Variants in KLHL2 observed in about 807,000 individuals in gnomAD.
The protein encoded by KLHL2 is kelch like family member 2.
KLHL2 carries 15 observed loss-of-function variants against 75.8 expected under a neutral mutation model. The observed-to-expected ratio is 0.20, with a 90% CI of 0.13 to 0.30. The LOEUF (loss-of-function observed/expected upper bound fraction) is 0.30. Ranked by LOEUF, KLHL2 falls within the 10% of genes least tolerant of loss-of-function variation. KLHL2 has a pLI of 1.00. For missense variants in KLHL2, 381 were observed against 741.0 expected (o/e 0.51, Z 5.64); for synonymous variants, 214 against 251.9 (o/e 0.85, Z 1.42).
At chr4:165,260,982 G>A (rs1188802455) in intron 4 of KLHL2, among the ~76,000 whole-genome samples, 1 of 152,104 alleles carries the variant, frequency 6.6e-6, no homozygotes, top group African/African-American at 2.4e-5. Flanking sequence ...TTTCCTCATC[G>A]TTCTGTGTGA....
At chr4:165,217,637 CAG>C (rs1206132599) in intron 1 of KLHL2, among the ~76,000 whole-genome samples, 1 of 152,190 alleles carries the variant, frequency 6.6e-6, no homozygotes, top group African/African-American at 2.4e-5. Flanking sequence ...GGCAAGCCCT[CAG>C]AGAGTCAGGT....
At chr4:165,317,751 A>G (rs1291929556) in intron 13 of KLHL2, 75 bp from the exon 14 acceptor site, 1 of 1,123,416 alleles carries the variant, frequency 8.9e-7, no homozygotes, top group Non-Finnish European at 1.3e-6. Flanking sequence ...GGATTACCTC[A>G]CTAAACATGT....
chr4:165,257,925 CTGTTAGTAG>C (rs1254124010), intron 4 of KLHL2, among the ~76,000 whole-genome samples: 2 of 151,668 alleles, frequency 1.3e-5, no homozygotes, highest in African/African-American at 4.9e-5. Context: ...TGGAGCAGTG[CTGTTAGTAG>C]TGACTTGAAA....
chr4:165,307,293 G>A (rs1032456832), intron 9 of KLHL2, among the ~76,000 whole-genome samples: 23 of 152,188 alleles, frequency 1.5e-4, no homozygotes, highest in African/African-American at 5.1e-4. Flanking sequence ...AGGCAATAGA[G>A]TGAGACTCCG....
chr4:165,309,506 G>A (rs1745988899), intron 9 of KLHL2, among the ~76,000 whole-genome samples: 1 of 152,146 alleles, frequency 6.6e-6, no homozygotes, highest in African/African-American at 2.4e-5. Flanking sequence ...TCTCTTGAAG[G>A]ACCAGAGAAT....
chr4:165,265,153 G>T (rs1005419756), intron 5 of KLHL2, among the ~76,000 whole-genome samples: 2 of 151,984 alleles, frequency 1.3e-5, no homozygotes, highest in East Asian at 3.9e-4. Context: ...TTTCATGTTT[G>T]TTGACCATTT....
rs186502696 is a variant in KLHL2, at chr4:165,291,231, T to A, written c.545-3128T>A. ...GCTCTTTTTATATTTTAGGTAACAGTCCTTTATGAGATATGTGTTTTGCAA... is the reference window on the plus strand; with the variant it reads ...GCTCTTTTTATATTTTAGGTAACAGACCTTTATGAGATATGTGTTTTGCAA... On this transcript the variant is annotated intron_variant, in intron 5 of 14. Transcript: ENST00000226725. 2.0e-3 allele frequency among the ~76,000 whole-genome samples: 306 copies of A among 152,334 alleles called. 2 individuals are homozygous for A. The highest frequency in any genetic ancestry group is 6.9e-3 in the African/African-American group (287 of 41,574).
chr4:165,313,998 CCTCT>C, intron 12 of KLHL2, 24 bp from the exon 13 acceptor site: 1 of 1,588,808 alleles, frequency 6.3e-7, no homozygotes, highest in Non-Finnish European at 8.6e-7. Context: ...TCTTTTTGCC[CCTCT>C]ATTTGGCTGG....
chr4:165,247,268 T>C lies in KLHL2; in HGVS notation c.381+8369T>C, dbSNP rs559074091. ...TCATTAGTGACCTTGGGAAAAGCTATGTAGAGGTGATGGTGAGAATGAAAA... is the reference window on the plus strand; with the variant it reads ...TCATTAGTGACCTTGGGAAAAGCTACGTAGAGGTGATGGTGAGAATGAAAA... On this transcript the variant is annotated intron_variant, in intron 4 of 14. Coordinates refer to ENST00000226725, the MANE Select transcript of KLHL2 (RefSeq NM_007246.4). 1.1e-4 allele frequency among the ~76,000 whole-genome samples: 17 copies of C among 152,236 alleles called. No homozygotes were observed. The East Asian group carries it at 3.3e-3, about 29-fold the overall frequency.
At chr4:165,314,359 TG>T (rs1248247519) in intron 13 of KLHL2, among the ~76,000 whole-genome samples, 193 bp downstream of exon 13, 24 of 152,176 alleles carry the variant, frequency 1.6e-4, no homozygotes, top group Non-Finnish European at 2.9e-5. Context: ...CCATAGTCTC[TG>T]GAACATAACA....
intron 5 of KLHL2, among the ~76,000 whole-genome samples, chr4:165,291,018 A>G (rs777258204): frequency 1.3e-4 from 20 of 152,242 alleles, no homozygotes; most frequent in Non-Finnish European, 2.2e-4. Context: ...GATTTTAGCT[A>G]TTCTGATAGA....
intron 3 of KLHL2, among the ~76,000 whole-genome samples, chr4:165,233,814 A>G (rs1739107775): frequency 6.6e-6 from 1 of 152,246 alleles, no homozygotes; most frequent in Non-Finnish European, 1.5e-5. Flanking sequence ...ATGTTGCACA[A>G]AGAACTTAAG....
At chr4:165,267,564 G>A (rs575203362) in intron 5 of KLHL2, among the ~76,000 whole-genome samples, 17 of 152,288 alleles carry the variant, frequency 1.1e-4, no homozygotes, top group Middle Eastern at 3.4e-3. Flanking sequence ...CATCTATTGG[G>A]ATAATCATGT....
chr4:165,294,317 G>T, intron 5 of KLHL2, 42 bp from the exon 6 acceptor site: 1 of 1,094,534 alleles, frequency 9.1e-7, no homozygotes, highest in South Asian at 1.3e-5. Flanking sequence ...TATGATAATG[G>T]AATGTTGATG....
At chr4:165,301,392 T>C (rs1005183348) in intron 8 of KLHL2, among the ~76,000 whole-genome samples, 1 of 152,254 alleles carries the variant, frequency 6.6e-6, no homozygotes, top group Admixed American at 6.5e-5. Context: ...TGGTATTTGC[T>C]TTCTTTAAAT....
intron 4 of KLHL2, among the ~76,000 whole-genome samples, chr4:165,253,104 T>G (rs187483977): frequency 0.015 from 2,352 of 152,332 alleles, 183 homozygotes; most frequent in Admixed American, 0.13. Flanking sequence ...CGATCTCGGC[T>G]CACTGCAACC....
chr4:165,237,838 T>C (rs1739478752), intron 3 of KLHL2, among the ~76,000 whole-genome samples: 1 of 152,104 alleles, frequency 6.6e-6, no homozygotes, highest in Non-Finnish European at 1.5e-5. Flanking sequence ...CTTTTAGTTT[T>C]TAATTGAATC....
intron 4 of KLHL2, 139 bp downstream of exon 4, chr4:165,239,038 A>G (rs1739590605): frequency 1.4e-6 from 2 of 1,387,194 alleles, no homozygotes; most frequent in Non-Finnish European, 1.9e-6. Context: ...AAATATTTGG[A>G]ATGATTACAC....
chr4:165,272,241 C>T (rs1387850897), intron 5 of KLHL2, among the ~76,000 whole-genome samples: 2 of 152,172 alleles, frequency 1.3e-5, no homozygotes, highest in African/African-American at 4.8e-5. Flanking sequence ...GAACACAACC[C>T]TTCTGTAAGT....
Sources: allele counts gnomAD v4.1 joint callset (sites outside exome capture counted in the v4.1 genomes callset), GRCh38; gene constraint gnomAD v4.1.1; transcripts MANE v1.5; gene names NCBI Gene and HGNC (gene_info 2026-07-23, HGNC 2026-07-21).